Variants in UBIAD1 observed in about 807,000 individuals in gnomAD.
UBIAD1 encodes UbiA prenyltransferase domain containing 1, also known as ubiA prenyltransferase domain-containing protein 1.
Under a neutral mutation model 20.1 loss-of-function variants are expected in UBIAD1, and 12 were observed. The observed-to-expected ratio is 0.60, with a 90% confidence interval of 0.38 to 0.97. The LOEUF is 0.97. Ranked by LOEUF, UBIAD1 falls within the 50% of genes least tolerant of loss-of-function variation. The pLI is 0.00. For missense variants in UBIAD1, 333 were observed against 419.5 expected, an observed-to-expected ratio of 0.79 and a Z score of 1.80; for synonymous variants, 207 against 189.2, an observed-to-expected ratio of 1.09 and a Z score of -0.77.
At chr1:11,297,133 T>G (rs192514380), downstream of UBIAD1, among the ~76,000 whole-genome samples, 38 of 152,358 alleles carry the variant, frequency 2.5e-4, no homozygotes, top group African/African-American at 8.9e-4. Flanking sequence ...TTGAATGTTG[T>G]ATCCTCCCAG....
At chr1:11,281,866 G>A (rs1337450648) in intron 1 of UBIAD1, among the ~76,000 whole-genome samples, 2 of 152,210 alleles carry the variant, frequency 1.3e-5, no homozygotes, top group Non-Finnish European at 1.5e-5. Context: ...TTCAGTCTGA[G>A]CTCTCGTCTG....
chr1:11,273,415 C>A lies in UBIAD1; in HGVS notation c.-117C>A. On this transcript the variant is annotated 5_prime_UTR_variant, in exon 1 of 2. It adds an upstream start codon to the 5' untranslated region. Coordinates refer to ENST00000376810, the MANE Select transcript of UBIAD1 (RefSeq NM_013319.3). The surrounding 1 kb of genome is among the most constrained non-coding windows in gnomAD (Gnocchi z 4.9). Reference sequence around the variant, plus strand: ...ACCTTGCCGCCACACCAGCCCTGTCCTGGGGCGGAACCGAAGGAAGGTCGG... The same window carrying A: ...ACCTTGCCGCCACACCAGCCCTGTCATGGGGCGGAACCGAAGGAAGGTCGG... 1 of 1,352,934 alleles carries A rather than the reference C, an allele frequency of 7.4e-7. No homozygotes were observed. Among genetic ancestry groups the A allele is most frequent in the Non-Finnish European group, 1.0e-6 (1 of 969,870 alleles). 83.8% of individuals were successfully genotyped at this position (1,352,934 alleles called of 1,614,324 possible). A position where few individuals can be genotyped will look rare whatever the true frequency, so the allele number is the denominator to read the frequency against.
chr1:11,298,544 G>T (rs1294012896), downstream of UBIAD1, among the ~76,000 whole-genome samples: 1 of 151,526 alleles, frequency 6.6e-6, no homozygotes, highest in East Asian at 2.0e-4. This position sits in a 1 kb window ranked among gnomAD's most constrained non-coding sequence, Gnocchi z 4.0. Flanking sequence ...TCCAGCCTGG[G>T]TGACAGAATG....
At chr1:11,290,767 T>C (rs1008188302), downstream of UBIAD1, among the ~76,000 whole-genome samples, 1 of 152,054 alleles carries the variant, frequency 6.6e-6, no homozygotes, top group South Asian at 2.1e-4. Context: ...TCACTTGAGG[T>C]CAGGAATTCA....
chr1:11,293,167 G>A (rs1039602998), downstream of UBIAD1, among the ~76,000 whole-genome samples: 1 of 152,124 alleles, frequency 6.6e-6, no homozygotes, highest in Non-Finnish European at 1.5e-5. Context: ...GGCTGAGTGG[G>A]GTATCACAAG....
At chr1:11,296,816 A>G (rs1437476643), downstream of UBIAD1, among the ~76,000 whole-genome samples, 1 of 152,178 alleles carries the variant, frequency 6.6e-6, no homozygotes. Context: ...CACTGCTTCC[A>G]GCCCCCTTTC....
downstream of UBIAD1, among the ~76,000 whole-genome samples, chr1:11,296,972 C>G (rs1469591059): frequency 6.6e-6 from 1 of 152,194 alleles, no homozygotes. Flanking sequence ...ATTCAACAAA[C>G]ATGTATTGAG....
chr1:11,296,660 C>T (rs1638453391), downstream of UBIAD1, among the ~76,000 whole-genome samples: 1 of 152,134 alleles, frequency 6.6e-6, no homozygotes, highest in African/African-American at 2.4e-5. Flanking sequence ...GCTTGGACTA[C>T]AGGCTTGCAC....
downstream of UBIAD1, among the ~76,000 whole-genome samples, chr1:11,296,763 G>T (rs188012921): frequency 5.9e-5 from 9 of 152,064 alleles, no homozygotes; most frequent in Non-Finnish European, 1.0e-4. Context: ...AAAGCAATCC[G>T]CCCGCCTCAG....
downstream of UBIAD1, among the ~76,000 whole-genome samples, chr1:11,292,668 TACACACACACACACACACACACACACAC>T (rs71568319): frequency 1.1e-4 from 15 of 140,646 alleles, no homozygotes; most frequent in Non-Finnish European, 1.7e-4. Context: ...ATTTTATGTA[TACACACACACACACACACACACACACAC>T]ACACACACAC....
At chr1:11,297,465 A>G (rs776808512), downstream of UBIAD1, among the ~76,000 whole-genome samples, 32 of 151,036 alleles carry the variant, frequency 2.1e-4, no homozygotes, top group African/African-American at 6.8e-4. Flanking sequence ...GTATTTTGCT[A>G]TAGTAGCCTG....
chr1:11,279,306 T>C, intron 1 of UBIAD1: 1 of 218,244 alleles, frequency 4.6e-6, no homozygotes. Flanking sequence ...ACTCAAAGGT[T>C]TTGACCTGAG....
In UBIAD1 at chr1:11,285,907, C is replaced by T; in HGVS notation, c.793C>T (p.Leu265Phe). 6.2e-7 allele frequency: 1 copy of T among 1,614,220 alleles called. No homozygotes were observed. The highest frequency in any genetic ancestry group is 8.5e-7 in the Non-Finnish European group (1 of 1,180,038). The change falls in exon 2 of 2, where the codon CTC becomes TTC. Residue 265 changes from leucine (L) to phenylalanine (F), a missense_variant. Physicochemically the swap from Leu to Phe is conservative, Grantham distance 22 (BLOSUM62 0). This residue lies in a region of UBIAD1 where 226 missense variants were observed against 263.5 expected (regional missense o/e 0.86). Transcript: ENST00000376810. The surrounding 1 kb of genome is among the most constrained non-coding windows in gnomAD (Gnocchi z 4.4). The part of the protein sequence containing the change: ...TFSYILYNTL[L>F]FLPYLVFSIL... ...CTCCTACATTCTCTACAACACACTG[C>T]TCTTCCTGCCCTACCTGGTCTTCAG...
At chr1:11,298,555 A>C (rs535218655), downstream of UBIAD1, among the ~76,000 whole-genome samples, 8 of 149,610 alleles carry the variant, frequency 5.3e-5, no homozygotes, top group Admixed American at 3.3e-4. This position sits in a 1 kb window ranked among gnomAD's most constrained non-coding sequence, Gnocchi z 4.0. Flanking sequence ...TGACAGAATG[A>C]GACCCTGTCT....
chr1:11,287,349 G>C lies in UBIAD1; in HGVS notation c.*1218G>C, dbSNP rs1446600047. ...GAGGGCTTTAGTGAGATCACACTCA[G>C]AGTGGGGCAATTCCAGCATTTATCC... On this transcript the variant is annotated 3_prime_UTR_variant, in exon 2 of 2. Coordinates refer to ENST00000376810, the MANE Select transcript of UBIAD1 (RefSeq NM_013319.3). The C allele has an allele frequency of 6.6e-6, 1 of 152,244 alleles. No individual in the cohort carries two copies. Among genetic ancestry groups the C allele is most frequent in the Non-Finnish European group, 1.5e-5 (1 of 68,048 alleles). The allele number at this position is 152,244 out of a possible 1,614,324, so 9.4% of individuals were successfully genotyped here. A position where few individuals can be genotyped will look rare whatever the true frequency, so the allele number is the denominator to read the frequency against.
rs886045078 is a variant in UBIAD1 at position 11,287,558 on chromosome 1, T to C, written c.*1427T>C. Reference sequence around the variant, plus strand: ...ATGATGTAAGAACTAGTTCTTAATCTTTCAGATCAAGCTAATGATGATATG... The same window carrying C: ...ATGATGTAAGAACTAGTTCTTAATCCTTCAGATCAAGCTAATGATGATATG... On this transcript the variant is annotated 3_prime_UTR_variant, in exon 2 of 2. Transcript: ENST00000376810. 1.3e-5 allele frequency: 2 copies of C among 152,242 alleles called. No individual in the cohort carries two copies. Among genetic ancestry groups the C allele is most frequent in the Non-Finnish European group, 2.9e-5 (2 of 68,038 alleles). 9.4% of individuals were successfully genotyped at this position (152,242 alleles called of 1,614,324 possible).
rs140571334 is a variant in UBIAD1 at position 11,277,682 on chromosome 1, T to C, written c.529+3622T>C. ...TTTTTCTTGAGACAGAATTTTGCTC[T>C]TGTTGCCCAGGCTGGAGTACAATGG... is the stretch of plus-strand genomic sequence containing the variant. On this transcript the variant is annotated intron_variant, in intron 1 of 1. Coordinates refer to ENST00000376810, the MANE Select transcript of UBIAD1 (RefSeq NM_013319.3). Among the ~76,000 whole-genome samples, 1,435 of 152,226 alleles carry C rather than the reference T, an allele frequency of 9.4e-3. 27 individuals carry two copies. Among genetic ancestry groups the C allele is most frequent in the African/African-American group, 0.032 (1,325 of 41,522 alleles).
rs1349686475 is a variant in UBIAD1 at position 11,285,390 on chromosome 1, C to A, written c.530-254C>A. Among the ~76,000 whole-genome samples, 3 of 151,992 alleles carry A rather than the reference C, an allele frequency of 2.0e-5. No homozygotes were observed. Among genetic ancestry groups the A allele is most frequent in the Admixed American group, 2.0e-4 (3 of 15,264 alleles). The stretch of plus-strand genomic sequence containing the variant: ...TATGTTGCAGAGCTCTGTTGGGGGA[C>A]AGTAGGAAGGGAAACTTGGGTATGA... On this transcript the variant is annotated intron_variant, in intron 1 of 1. Coordinates refer to ENST00000376810, the MANE Select transcript of UBIAD1 (RefSeq NM_013319.3). The surrounding 1 kb of genome is among the most constrained non-coding windows in gnomAD (Gnocchi z 4.4).
At chr1:11,289,754 T>C (rs559480994), downstream of UBIAD1, among the ~76,000 whole-genome samples, 15 of 151,490 alleles carry the variant, frequency 9.9e-5, no homozygotes, top group East Asian at 2.0e-3. Flanking sequence ...ATGTTTTATA[T>C]ATATCTCACT....
Sources: gnomAD v4.1 joint callset for allele counts (sites outside exome capture counted in the v4.1 genomes callset) on GRCh38, gnomAD v4.1.1 for gene constraint, gnomAD v4.1.1 regional missense constraint, Gnocchi (gnomAD v3.1) non-coding constraint, MANE v1.5 for transcripts, NCBI Gene and HGNC (gene_info 2026-07-23, HGNC 2026-07-21) for gene names.